PASK: variants seen among roughly 807,000 people sequenced by gnomAD.
The protein encoded by PASK is PAS domain containing serine/threonine kinase, also known as PAS domain-containing serine/threonine-protein kinase.
In PASK, 110 loss-of-function variants were observed where a neutral mutation model predicts 121.0. The observed-to-expected ratio is 0.91, with a 90% CI of 0.78 to 1.06. PASK has a LOEUF of 1.06. PASK is among the 50% of genes least tolerant of loss of function. PASK has a pLI of 0.00. For missense variants in PASK, 1,643 were observed against 1,702.3 expected, an observed-to-expected ratio of 0.97 and a Z score of 0.61; for synonymous variants, 686 against 717.8, an observed-to-expected ratio of 0.96 and a Z score of 0.71.
intron 9 of PASK, among the ~76,000 whole-genome samples, chr2:241,131,736 G>A (rs1027388032): frequency 1.3e-5 from 2 of 152,084 alleles, no homozygotes; most frequent in Non-Finnish European, 2.9e-5. Context: ...TACAGTTTGG[G>A]CACCTTTACT....
intron 9 of PASK, among the ~76,000 whole-genome samples, chr2:241,130,699 C>T (rs1030269697): frequency 4.6e-5 from 7 of 152,186 alleles, no homozygotes; most frequent in East Asian, 1.9e-4. Flanking sequence ...CGCCACTCAA[C>T]GCGGACCCAC....
chr2:241,133,164 T>C, intron 8 of PASK, 134 bp from the exon 9 acceptor site: 1 of 867,792 alleles, frequency 1.2e-6, no homozygotes, highest in Non-Finnish European at 1.9e-6. Flanking sequence ...ACCCCAGGCG[T>C]CCCAGGTCCA....
chr2:241,140,360 G>A (rs1483654916), intron 3 of PASK, among the ~76,000 whole-genome samples, 161 bp downstream of exon 3: 1 of 152,152 alleles, frequency 6.6e-6, no homozygotes, highest in Non-Finnish European at 1.5e-5. Context: ...ATCTTGCTAT[G>A]TTGCCCAGGC....
rs779637267 is a variant in PASK, at chr2:241,136,004, G to A, written c.1173C>T (p.Tyr391=). Residue 391 remains tyrosine, a synonymous_variant, in exon 8 of 18, where the codon TAC becomes TAT. Coordinates refer to ENST00000234040, the MANE Select transcript of PASK (RefSeq NM_015148.4). ...ITFLIPGFYS[Y]MDLAYNSSLQ... ...ATGAGCTGTTGTACGCAAGGTCCAT[G>A]TAGCTGTAGAAACCAGGAATCAGGA... The A allele has an allele frequency of 5.6e-6, 9 of 1,613,972 alleles. No homozygotes were observed. In the Admixed American group the frequency reaches 1.5e-4, roughly 27 times the overall value.
rs1433986475 is a variant in PASK at position 241,149,088 on chromosome 2, A to T, written c.-43+326T>A. ...CGCCCCGCAGGGCCGGCTGCGGTGA[A>T]GAGAGCGCAGGGTCCCGAGGCGACC... On this transcript the variant is annotated intron_variant, in intron 1 of 17. Coordinates refer to ENST00000234040, the MANE Select transcript of PASK (RefSeq NM_015148.4). Among the ~76,000 whole-genome samples, 5 of 151,962 alleles carry T rather than the reference A, an allele frequency of 3.3e-5. No individual in the cohort carries two copies. The East Asian group carries it at 9.7e-4, about 29-fold the overall frequency.
At chr2:241,122,003 T>C (rs2065634901) in intron 12 of PASK, among the ~76,000 whole-genome samples, 1 of 152,182 alleles carries the variant, frequency 6.6e-6, no homozygotes, top group Non-Finnish European at 1.5e-5. Flanking sequence ...AATCACCAAA[T>C]AATTGGCAAT....
In PASK at chr2:241,128,028, C is replaced by G. The variant is rs544047568; in HGVS notation, c.1464-577G>C. Among the ~76,000 whole-genome samples the G allele has an allele frequency of 2.1e-4, 32 of 152,352 alleles. No individual in the cohort carries two copies. The South Asian group carries it at 6.0e-3, about 29-fold the overall frequency. On this transcript the variant is annotated intron_variant, in intron 9 of 17. Coordinates refer to ENST00000234040, the MANE Select transcript of PASK (RefSeq NM_015148.4). ...GGCGTGGTGGCTCACGCCTGTAATC[C>G]CAGCACTTTGGGAGGCCGAGGTGGG...
At position 241,112,568 on chromosome 2, in the gene PASK, G is replaced by A. The variant is rs2065153892; in HGVS notation, c.3334-129C>T. 2 of 645,776 alleles carry A rather than the reference G, an allele frequency of 3.1e-6. No individual in the cohort carries two copies. The highest frequency in any genetic ancestry group is 2.6e-6 in the Non-Finnish European group (1 of 377,662). The allele number at this position is 645,776 out of a possible 1,614,324, so 40.0% of individuals were successfully genotyped here. ...TCCGACTCATAATGAACTGGGGACAGGAAAGATTTTTCAATGCTGAAGATA... is the reference window on the plus strand; with the variant it reads ...TCCGACTCATAATGAACTGGGGACAAGAAAGATTTTTCAATGCTGAAGATA... On this transcript the variant is annotated intron_variant, in intron 14 of 17. Transcript: ENST00000234040. This position sits in a 1 kb window ranked among gnomAD's most constrained non-coding sequence, Gnocchi z 5.2.
intron 9 of PASK, among the ~76,000 whole-genome samples, chr2:241,131,513 A>T (rs10173808): frequency 1.3e-5 from 2 of 152,170 alleles, no homozygotes; most frequent in African/African-American, 4.8e-5. Flanking sequence ...TTTTTTAAAT[A>T]ATTTCAAGAC....
intron 2 of PASK, chr2:241,140,958 G>A: frequency 1.6e-6 from 1 of 616,232 alleles, no homozygotes; most frequent in African/African-American, 1.8e-5. Flanking sequence ...GGTCCACTCG[G>A]AAGCACAAAC....
chr2:241,149,672 G>A (rs767323000), upstream of PASK: 3 of 1,546,796 alleles, frequency 1.9e-6, no homozygotes, highest in Non-Finnish European at 8.7e-7. Context: ...CCCGGGCCGG[G>A]CAGATGCGGT....
Position 241,122,745 on chromosome 2 carries a change from T to A in PASK, c.3059A>T (p.Glu1020Val). Residue 1020 changes from glutamate to valine, a missense_variant, in exon 12 of 18, where the codon GAA becomes GTA. By Grantham distance (121) the Glu-to-Val change is moderately radical (BLOSUM62 -2). This residue lies in a region of PASK where 453 missense variants were observed against 511.2 expected (regional missense o/e 0.89). Transcript: ENST00000234040. ...FGFVWTAVDK[E>V]KNKEVVVKFI... ...CAGCCAGGTTACCTCCTTGTTTTTT[T>A]CCTTGTCCACAGCAGTCCACACGAA... 1.9e-6 allele frequency: 3 copies of A among 1,614,120 alleles called. No individual in the cohort carries two copies. The South Asian group carries it at 3.3e-5, about 18-fold the overall frequency.
At chr2:241,138,271 T>C (rs2066534833) in intron 5 of PASK, among the ~76,000 whole-genome samples, 184 bp from the exon 6 acceptor site, 2 of 152,274 alleles carry the variant, frequency 1.3e-5, no homozygotes, top group South Asian at 2.1e-4. Context: ...ACCAGAGACG[T>C]ACCTAAATTG....
chr2:241,136,798 C>T (rs1179405321), intron 7 of PASK, among the ~76,000 whole-genome samples: 1 of 152,218 alleles, frequency 6.6e-6, no homozygotes, highest in East Asian at 1.9e-4. Context: ...CTCCCTCCGA[C>T]GGTGGTTGCT....
chr2:241,125,278 G>A (rs1008246118), intron 10 of PASK, among the ~76,000 whole-genome samples: 2 of 150,262 alleles, frequency 1.3e-5, no homozygotes, highest in African/African-American at 4.9e-5. Context: ...TCCAGCTAGG[G>A]TGGACAGAGT....
chr2:241,147,428 G>A (rs944460398), intron 1 of PASK, among the ~76,000 whole-genome samples: 15 of 152,096 alleles, frequency 9.9e-5, no homozygotes, highest in Admixed American at 5.9e-4. Context: ...GATCAGCCTG[G>A]GCAACATAGG....
At chr2:241,148,275 A>C (rs1559408614) in intron 1 of PASK, among the ~76,000 whole-genome samples, 2 of 152,172 alleles carry the variant, frequency 1.3e-5, no homozygotes. Context: ...CTTTGCAGGG[A>C]GCATCTCGGC....
At chr2:241,144,924 T>C (rs1197066737) in intron 1 of PASK, among the ~76,000 whole-genome samples, 1 of 152,102 alleles carries the variant, frequency 6.6e-6, no homozygotes, top group Non-Finnish European at 1.5e-5. Context: ...TGTTTGTTTC[T>C]TTTTTTTGAG....
At chr2:241,132,747 C>G (rs2270046) in intron 9 of PASK, 127 bp downstream of exon 9, 21,282 of 815,062 alleles carry the variant, frequency 0.026, 1,805 homozygotes, top group East Asian at 0.2. Flanking sequence ...AGCAGGTGCT[C>G]AACACATGTG....
Sources: gnomAD v4.1 joint callset for allele counts (sites outside exome capture counted in the v4.1 genomes callset) on GRCh38, gnomAD v4.1.1 for gene constraint, gnomAD v4.1.1 regional missense constraint, Gnocchi (gnomAD v3.1) non-coding constraint, MANE v1.5 for transcripts, NCBI Gene and HGNC (gene_info 2026-07-23, HGNC 2026-07-21) for gene names.